The following PCCA variants were observed in gnomAD, a reference collection of about 807,000 sequenced individuals.
PCCA encodes propionyl-CoA carboxylase alpha chain, mitochondrial.
In PCCA, 74 loss-of-function variants were observed where a neutral mutation model predicts 101.3. That is an observed-to-expected ratio of 0.73 (90% CI 0.61 to 0.89). The LOEUF (loss-of-function observed/expected upper bound fraction) is 0.89. Among genes scored for constraint, PCCA ranks in the 40% least tolerant of loss-of-function variants. The pLI, the probability that PCCA is intolerant of heterozygous loss-of-function variation, is 0.00. For synonymous variants in PCCA, 294 were observed against 313.6 expected, an observed-to-expected ratio of 0.94 and a Z score of 0.66; for missense variants, 891 against 907.0, an observed-to-expected ratio of 0.98 and a Z score of 0.23.
At chr13:100,327,962 G>T (rs1404423184) in intron 16 of PCCA, among the ~76,000 whole-genome samples, 2 of 152,162 alleles carry the variant, frequency 1.3e-5, no homozygotes, top group Non-Finnish European at 2.9e-5. Context: ...GGTGGCTTAT[G>T]CCTATAATCC....
At chr13:100,410,406 C>G (rs964486973) in intron 19 of PCCA, among the ~76,000 whole-genome samples, 3 of 152,128 alleles carry the variant, frequency 2.0e-5, no homozygotes, top group African/African-American at 7.2e-5. Flanking sequence ...TGATGCCCAG[C>G]TAATTTTTGT....
At chr13:100,369,154 G>A (rs1181495814) in intron 19 of PCCA, among the ~76,000 whole-genome samples, 3 of 152,148 alleles carry the variant, frequency 2.0e-5, no homozygotes, top group Admixed American at 1.3e-4. Flanking sequence ...ACTGTGATCC[G>A]AGTGTGCCAG....
chr13:100,150,724 A>G lies in PCCA; in HGVS notation c.301-4255A>G. ...TAACCTCAAAAAATTTGTATGTGGA[A>G]TCTTCACCAACCCAGTAAGAATTCA... On this transcript the variant is annotated intron_variant, in intron 4 of 23. Coordinates refer to ENST00000376285, the MANE Select transcript of PCCA (RefSeq NM_000282.4). The G allele has an allele frequency of 5.1e-6, 8 of 1,583,858 alleles. No individual in the cohort carries two copies. In the South Asian group the frequency reaches 8.8e-5, roughly 17 times the overall value.
At chr13:100,472,300 C>T (rs954868948) in intron 21 of PCCA, among the ~76,000 whole-genome samples, 12 of 152,036 alleles carry the variant, frequency 7.9e-5, no homozygotes, top group Non-Finnish European at 1.5e-4. Context: ...CAGAGGTTCT[C>T]CGGGGACCCT....
chr13:100,251,967 A>G (rs947177082), intron 8 of PCCA, among the ~76,000 whole-genome samples: 1 of 147,190 alleles, frequency 6.8e-6, no homozygotes, highest in African/African-American at 2.5e-5. Context: ...AAAACAACAA[A>G]CACAAACCCA....
chr13:100,194,316 TGTG>T (rs1015666303), intron 6 of PCCA, among the ~76,000 whole-genome samples: 2 of 152,148 alleles, frequency 1.3e-5, no homozygotes, highest in African/African-American at 2.4e-5. Context: ...GATTTTGACT[TGTG>T]GTAAATTTTG....
At chr13:100,436,359 A>G (rs1566298486) in intron 20 of PCCA, among the ~76,000 whole-genome samples, 1 of 152,192 alleles carries the variant, frequency 6.6e-6, no homozygotes, top group Non-Finnish European at 1.5e-5. Flanking sequence ...TTGGACAGCA[A>G]CCATTCAGAG....
Position 100,361,671 on chromosome 13 carries a change from A to G in PCCA, c.1644-6801A>G, listed in dbSNP as rs372253031. Among the ~76,000 whole-genome samples the G allele has an allele frequency of 1.0e-3, 154 of 152,324 alleles. 4 individuals carry two copies. In the South Asian group the frequency reaches 0.029, roughly 28 times the overall value. ...CATAAGGTCCTCAGCATTACTAGTCATGGGGGAAATATACATGAAACTATG... is the reference window on the plus strand; with the variant it reads ...CATAAGGTCCTCAGCATTACTAGTCGTGGGGGAAATATACATGAAACTATG... On this transcript the variant is annotated intron_variant, in intron 18 of 23. Transcript: ENST00000376285.
At chr13:100,525,026 T>TAGATAGATAGACAGACAGAC (rs1178941372) in intron 22 of PCCA, among the ~76,000 whole-genome samples, 1 of 142,526 alleles carries the variant, frequency 7.0e-6, no homozygotes, top group Admixed American at 7.1e-5. Flanking sequence ...GATAGATAGA[T>TAGATAGATAGACAGACAGAC]AGACAGACAG....
At chr13:100,380,984 A>G (rs1214239510) in intron 19 of PCCA, among the ~76,000 whole-genome samples, 1 of 152,270 alleles carries the variant, frequency 6.6e-6, no homozygotes, top group African/African-American at 2.4e-5. Context: ...ACATATAGAG[A>G]TGTTCTGCAT....
intron 6 of PCCA, among the ~76,000 whole-genome samples, chr13:100,195,250 C>T (rs980581286): frequency 2.6e-5 from 4 of 152,108 alleles, no homozygotes; most frequent in Non-Finnish European, 5.9e-5. Context: ...AAGCTTCTTA[C>T]CTTCTTCTTA....
intron 16 of PCCA, among the ~76,000 whole-genome samples, chr13:100,321,084 C>G (rs528059747): frequency 6.6e-6 from 1 of 152,304 alleles, no homozygotes; most frequent in African/African-American, 2.4e-5. Context: ...TTGGGTCCTT[C>G]TCATCTTTCT....
At chr13:100,106,002 A>C (rs1157830845) in intron 2 of PCCA, among the ~76,000 whole-genome samples, 1 of 152,116 alleles carries the variant, frequency 6.6e-6, no homozygotes, top group African/African-American at 2.4e-5. Flanking sequence ...GTAATAATGT[A>C]GTTGGCCTTT....
At chr13:100,307,931 T>A (rs2066591754) in intron 15 of PCCA, among the ~76,000 whole-genome samples, 1 of 152,236 alleles carries the variant, frequency 6.6e-6, no homozygotes, top group Non-Finnish European at 1.5e-5. Context: ...CGATCTTGGC[T>A]CACTGCAACC....
intron 4 of PCCA, among the ~76,000 whole-genome samples, chr13:100,145,798 G>A (rs1297346866): frequency 2.0e-5 from 3 of 150,800 alleles, no homozygotes; most frequent in African/African-American, 7.3e-5. Context: ...GGAGGTGGAG[G>A]TTGCGGTGAG....
chr13:100,282,397 G>T (rs1313658247), intron 12 of PCCA, among the ~76,000 whole-genome samples: 1 of 152,202 alleles, frequency 6.6e-6, no homozygotes, highest in African/African-American at 2.4e-5. Flanking sequence ...CCCTTTCTGG[G>T]CTGGCCAAGG....
chr13:100,316,994 A>G (rs969105303), intron 16 of PCCA, among the ~76,000 whole-genome samples: 2 of 151,990 alleles, frequency 1.3e-5, no homozygotes, highest in Non-Finnish European at 2.9e-5. Flanking sequence ...GGCTGGTCTC[A>G]ACTCCTGACC....
chr13:100,484,090 A>C (rs1245750397), intron 21 of PCCA, among the ~76,000 whole-genome samples: 1 of 152,228 alleles, frequency 6.6e-6, no homozygotes, highest in East Asian at 1.9e-4. Context: ...ACTATAATAT[A>C]ATGTTTAATA....
At chr13:100,507,308 G>C (rs1326768182) in intron 21 of PCCA, among the ~76,000 whole-genome samples, 4 of 152,196 alleles carry the variant, frequency 2.6e-5, no homozygotes, top group Non-Finnish European at 4.4e-5. Context: ...ACAGCTTGGG[G>C]GCACTTGGGC....
Sources: gnomAD v4.1 joint callset for allele counts (sites outside exome capture counted in the v4.1 genomes callset) on GRCh38, gnomAD v4.1.1 for gene constraint, MANE v1.5 for transcripts, NCBI Gene and HGNC (gene_info 2026-07-23, HGNC 2026-07-21) for gene names.